Variants in THSD7B observed in about 807,000 individuals in gnomAD.
THSD7B encodes the protein thrombospondin type-1 domain-containing protein 7B.
In THSD7B, 138 loss-of-function variants were observed where a neutral mutation model predicts 213.6. The ratio of observed to expected loss-of-function variants is 0.65; its 90% CI spans 0.56 to 0.74. THSD7B has a LOEUF of 0.74. THSD7B is among the 30% of genes least tolerant of loss of function. The pLI, the probability that THSD7B is intolerant of heterozygous loss-of-function variation, is 0.00. For synonymous variants in THSD7B, 742 were observed against 687.0 expected, an observed-to-expected ratio of 1.08 and a Z score of -1.25; for missense variants, 1,931 against 1,991.5, an observed-to-expected ratio of 0.97 and a Z score of 0.58.
intron 21 of THSD7B, among the ~76,000 whole-genome samples, chr2:137,644,782 A>G (rs1299336473): frequency 6.6e-6 from 1 of 152,134 alleles, no homozygotes; most frequent in Non-Finnish European, 1.5e-5. Flanking sequence ...ACAAGTTGGG[A>G]TCTCATTCAA....
intron 10 of THSD7B, among the ~76,000 whole-genome samples, chr2:137,255,649 T>A (rs1682289343): frequency 6.6e-6 from 1 of 152,186 alleles, no homozygotes; most frequent in African/African-American, 2.4e-5. Flanking sequence ...TCATTCAGAC[T>A]TTCACTTACT....
intron 12 of THSD7B, among the ~76,000 whole-genome samples, chr2:137,300,564 T>G (rs1014755553): frequency 2.6e-5 from 4 of 152,264 alleles, no homozygotes; most frequent in Admixed American, 6.5e-5. Flanking sequence ...TTTTCAAAAT[T>G]TATTACAAAA....
chr2:137,398,815 GA>G (rs1490071187), intron 12 of THSD7B, among the ~76,000 whole-genome samples: 1 of 152,208 alleles, frequency 6.6e-6, no homozygotes, highest in Non-Finnish European at 1.5e-5. Flanking sequence ...CAATCAGCGA[GA>G]TTCCGTGGGC....
chr2:137,295,997 C>A (rs996696931), intron 12 of THSD7B, among the ~76,000 whole-genome samples: 2 of 152,106 alleles, frequency 1.3e-5, no homozygotes, highest in African/African-American at 4.8e-5. Flanking sequence ...AGATATTTTA[C>A]AGTCATCATT....
At chr2:137,394,593 T>C (rs201467383) in intron 12 of THSD7B, among the ~76,000 whole-genome samples, 1 of 136,308 alleles carries the variant, frequency 7.3e-6, no homozygotes, top group Non-Finnish European at 1.6e-5. Flanking sequence ...AGTCAGGTAG[T>C]GTGATGCCTC....
chr2:136,869,415 A>G (rs907826663), intron 1 of THSD7B, among the ~76,000 whole-genome samples: 1 of 152,230 alleles, frequency 6.6e-6, no homozygotes, highest in African/African-American at 2.4e-5. Flanking sequence ...ATTTGTCTGT[A>G]AACTAAATAA....
At chr2:137,504,769 A>G (rs777562226) in intron 15 of THSD7B, among the ~76,000 whole-genome samples, 2 of 152,202 alleles carry the variant, frequency 1.3e-5, no homozygotes, top group Non-Finnish European at 2.9e-5. Flanking sequence ...GGTCAGTTTT[A>G]TAGTTTCTGC....
intron 12 of THSD7B, among the ~76,000 whole-genome samples, chr2:137,306,099 G>A (rs1042135921): frequency 6.6e-6 from 1 of 152,162 alleles, no homozygotes; most frequent in Non-Finnish European, 1.5e-5. Context: ...GGTAGTGAAC[G>A]TGAAGCCCCA....
chr2:137,546,406 A>T (rs868091155), intron 15 of THSD7B, among the ~76,000 whole-genome samples: 6 of 37,028 alleles, frequency 1.6e-4, no homozygotes, highest in South Asian at 1.8e-3. Context: ...TATATATATT[A>T]TATATATATT....
intron 9 of THSD7B, among the ~76,000 whole-genome samples, chr2:137,237,164 A>G (rs1473234428): frequency 1.3e-5 from 2 of 152,104 alleles, no homozygotes; most frequent in African/African-American, 4.8e-5. Context: ...CCAAGAGACA[A>G]GAGTTGTAGA....
intron 1 of THSD7B, among the ~76,000 whole-genome samples, chr2:136,835,483 T>C (rs1001410697): frequency 6.6e-6 from 1 of 152,244 alleles, no homozygotes; most frequent in Admixed American, 6.5e-5. Flanking sequence ...GAATTCATTA[T>C]ATTTTTTAGT....
At chr2:137,080,562 C>T (rs573587005) in intron 3 of THSD7B, among the ~76,000 whole-genome samples, 2 of 151,866 alleles carry the variant, frequency 1.3e-5, no homozygotes, top group South Asian at 4.2e-4. Context: ...TTAGAAGTTA[C>T]CTTTGTATTT....
At chr2:137,675,905 A>ATATC (rs1466113851) in intron 27 of THSD7B, among the ~76,000 whole-genome samples, 1 of 152,164 alleles carries the variant, frequency 6.6e-6, no homozygotes, top group African/African-American at 2.4e-5. Context: ...GTTTTGCCCC[A>ATATC]TATCTTGGGC....
chr2:137,178,941 T>C (rs930838244), intron 7 of THSD7B, among the ~76,000 whole-genome samples: 2 of 152,166 alleles, frequency 1.3e-5, no homozygotes, highest in Non-Finnish European at 2.9e-5. Context: ...ATGTAATCTG[T>C]TTTTTCCAGA....
chr2:137,251,665 G>T (rs1197597378), intron 10 of THSD7B, among the ~76,000 whole-genome samples: 1 of 152,190 alleles, frequency 6.6e-6, no homozygotes, highest in Non-Finnish European at 1.5e-5. Flanking sequence ...AAAACTTAAA[G>T]TAATTGAACA....
At chr2:137,191,417 A>T (rs1212857913) in intron 7 of THSD7B, among the ~76,000 whole-genome samples, 2 of 152,028 alleles carry the variant, frequency 1.3e-5, no homozygotes, top group Non-Finnish European at 2.9e-5. Context: ...TCTGATAGGA[A>T]CAAAGTATGG....
intron 15 of THSD7B, among the ~76,000 whole-genome samples, chr2:137,526,944 T>C (rs1020840046): frequency 2.3e-4 from 35 of 152,100 alleles, no homozygotes; most frequent in Admixed American, 2.3e-3. Flanking sequence ...CTCAGAAATT[T>C]TGTACCGCTT....
chr2:136,770,197 A>C (rs951214552), intron 1 of THSD7B, among the ~76,000 whole-genome samples: 4 of 152,228 alleles, frequency 2.6e-5, no homozygotes, highest in African/African-American at 9.6e-5. Context: ...CTTTGTAGCA[A>C]TGCATATTTT....
chr2:137,239,497 A>G (rs573236374), intron 9 of THSD7B, among the ~76,000 whole-genome samples: 2 of 152,292 alleles, frequency 1.3e-5, no homozygotes, highest in African/African-American at 2.4e-5. Flanking sequence ...TTATGTGGAT[A>G]CAAGCAAATT....
Sources: gnomAD v4.1 joint callset for allele counts (sites outside exome capture counted in the v4.1 genomes callset) on GRCh38, gnomAD v4.1.1 for gene constraint, MANE v1.5 for transcripts, NCBI Gene and HGNC (gene_info 2026-07-23, HGNC 2026-07-21) for gene names.